GRAP2: variants seen among roughly 807,000 people sequenced by gnomAD.
The protein encoded by GRAP2 is GRB2 related adaptor protein 2.
Under a neutral mutation model 43.5 loss-of-function variants are expected in GRAP2, and 31 were observed. The observed-to-expected ratio is 0.71, with a 90% CI of 0.54 to 0.96. The LOEUF is 0.96. Ranked by LOEUF, GRAP2 falls within the 40% of genes least tolerant of loss-of-function variation. GRAP2 has a pLI of 0.00. For missense variants in GRAP2, 371 were observed against 424.4 expected, an observed-to-expected ratio of 0.87 and a Z score of 1.11; for synonymous variants, 156 against 164.8, an observed-to-expected ratio of 0.95 and a Z score of 0.41.
intron 2 of GRAP2, among the ~76,000 whole-genome samples, chr22:39,950,480 A>G (rs564370325): frequency 5.9e-5 from 9 of 152,332 alleles, no homozygotes; most frequent in East Asian, 5.8e-4. Flanking sequence ...CTCAATGTCT[A>G]GAAGAGCTGT....
rs2067246834 is a variant in GRAP2 at position 39,971,770 on chromosome 22, G to A, written c.*686G>A. ...GTCTTTCAAATGAATGTTTCAATGT[G>A]AGGAGCGAAGTACTGGGAAATCGAG... On this transcript the variant is annotated 3_prime_UTR_variant, in exon 8 of 8. Coordinates refer to ENST00000344138, the MANE Select transcript of GRAP2 (RefSeq NM_004810.4). 6.6e-6 allele frequency: 1 copy of A among 152,230 alleles called. No individual in the cohort carries two copies. The highest frequency in any genetic ancestry group is 2.4e-5 in the African/African-American group (1 of 41,464). The allele number at this position is 152,230 out of a possible 1,614,324, so 9.4% of individuals were successfully genotyped here.
At chr22:39,940,383 GT>G (rs137987) in intron 1 of GRAP2, among the ~76,000 whole-genome samples, 77,140 of 131,314 alleles carry the variant, frequency 0.59, 21,485 homozygotes, top group African/African-American at 0.67. Flanking sequence ...TTTTTTGTTT[GT>G]TTTTTTTTTT....
In GRAP2 at chr22:39,909,591, G is replaced by C. The variant is rs1485649389; in HGVS notation, c.-15+8261G>C. ...AAATTCACTCAGTCCCTAGCTCACA[G>C]GTATGCAGACGTACTGAGAACACTT... On this transcript the variant is annotated intron_variant, in intron 1 of 7. Transcript: ENST00000344138. Among the ~76,000 whole-genome samples the C allele has an allele frequency of 2.6e-5, 4 of 152,076 alleles. No individual in the cohort carries two copies. The East Asian group carries it at 7.7e-4, about 29-fold the overall frequency.
At chr22:39,956,045 C>T in intron 3 of GRAP2, 135 bp downstream of exon 3, 2 of 602,934 alleles carry the variant, frequency 3.3e-6, no homozygotes, top group South Asian at 2.0e-5. Context: ...TCCGGAGAGC[C>T]TCCAGAGCAT....
At chr22:39,944,784 G>A (rs1014759312) in intron 1 of GRAP2, among the ~76,000 whole-genome samples, 1 of 152,150 alleles carries the variant, frequency 6.6e-6, no homozygotes, top group Non-Finnish European at 1.5e-5. Context: ...CCCAAATCAA[G>A]GTCTTATCTA....
intron 1 of GRAP2, among the ~76,000 whole-genome samples, chr22:39,920,479 C>T (rs2066640158): frequency 6.6e-6 from 1 of 152,214 alleles, no homozygotes; most frequent in East Asian, 1.9e-4. Context: ...TCTCCGGAAC[C>T]AGCCTCCAGG....
rs1412636409 is a variant in GRAP2 at position 39,968,093 on chromosome 22, A to G, written c.511A>G (p.Ser171Gly). 55 of 1,612,058 alleles carry G rather than the reference A, an allele frequency of 3.4e-5. No individual in the cohort carries two copies. Among genetic ancestry groups the G allele is most frequent in the Non-Finnish European group, 4.7e-5 (55 of 1,178,970 alleles). The change falls in exon 6 of 8, where the codon AGT (serine) becomes GGT (glycine). Residue 171 changes from serine to glycine, a missense_variant. Physicochemically the swap from Ser to Gly is moderately conservative, Grantham distance 56. Transcript: ENST00000344138. ...GAGGTCCCAGGGAGGCCCACACCTCAGTGGGGCTGTGGGAGAAGAAATCCG... is the reference window on the plus strand; with the variant it reads ...GAGGTCCCAGGGAGGCCCACACCTCGGTGGGGCTGTGGGAGAAGAAATCCG... ...DRRSQGGPHL[S>G]GAVGEEIRPS...
At chr22:39,897,055 T>C (rs2066468693), upstream of GRAP2, among the ~76,000 whole-genome samples, 1 of 152,220 alleles carries the variant, frequency 6.6e-6, no homozygotes, top group Non-Finnish European at 1.5e-5. Flanking sequence ...GGTAGTGTTA[T>C]CCACTTGCAA....
chr22:39,969,722 T>A (rs1404286637), intron 7 of GRAP2, among the ~76,000 whole-genome samples, 189 bp downstream of exon 7: 3 of 152,166 alleles, frequency 2.0e-5, no homozygotes, highest in African/African-American at 7.2e-5. Context: ...GAGACCAGCC[T>A]GGCCAACATG....
Position 39,971,877 on chromosome 22 carries a change from G to C in GRAP2, c.*793G>C, listed in dbSNP as rs9611236. 1 of 152,202 alleles carries C rather than the reference G, an allele frequency of 6.6e-6. No homozygotes were observed. Among genetic ancestry groups the C allele is most frequent in the Non-Finnish European group, 1.5e-5 (1 of 68,026 alleles). The allele number at this position is 152,202 out of a possible 1,614,324, so 9.4% of individuals were successfully genotyped here. ...TGAAGGAAATAGCATCCTACATTCC[G>C]TAAAGTGCTTGAAGAAGCTCTAGCT... On this transcript the variant is annotated 3_prime_UTR_variant, in exon 8 of 8. Transcript: ENST00000344138.
In GRAP2 at chr22:39,968,164, C is replaced by T; in HGVS notation, c.582C>T (p.Pro194=). Residue 194 remains proline (P), a synonymous_variant, in exon 6 of 8, where the codon CCC becomes CCT. Coordinates refer to ENST00000344138, the MANE Select transcript of GRAP2 (RefSeq NM_004810.4). ...TGTCGGATCACCCCCCGACCCTTCCCCTGCAGCAGCACCAGCACCAGCCAC... is the reference window on the plus strand; with the variant it reads ...TGTCGGATCACCCCCCGACCCTTCCTCTGCAGCAGCACCAGCACCAGCCAC... ...RKLSDHPPTL[P]LQQHQHQPQP... 1.2e-6 allele frequency: 2 copies of T among 1,609,268 alleles called. No homozygotes were observed. The highest frequency in any genetic ancestry group is 1.7e-6 in the Non-Finnish European group (2 of 1,177,858).
intron 3 of GRAP2, among the ~76,000 whole-genome samples, chr22:39,957,536 T>A (rs768975030): frequency 6.6e-6 from 1 of 152,192 alleles, no homozygotes; most frequent in Non-Finnish European, 1.5e-5. Flanking sequence ...TCTCTCTCTC[T>A]TCCACGTCAA....
intron 1 of GRAP2, among the ~76,000 whole-genome samples, chr22:39,940,870 A>G (rs889451335): frequency 6.6e-6 from 1 of 152,238 alleles, no homozygotes; most frequent in African/African-American, 2.4e-5. Context: ...ATGAGAGACA[A>G]TGAAGACAAT....
intron 4 of GRAP2, among the ~76,000 whole-genome samples, chr22:39,962,488 T>A (rs1221431522): frequency 2.6e-5 from 4 of 152,100 alleles, no homozygotes. Flanking sequence ...ATTATACATA[T>A]ATTTAACATG....
At chr22:39,904,917 C>T (rs892139760) in intron 1 of GRAP2, among the ~76,000 whole-genome samples, 9 of 152,304 alleles carry the variant, frequency 5.9e-5, no homozygotes, top group South Asian at 2.1e-4. Context: ...CTTTATTTCT[C>T]ATAAGCTCCA....
chr22:39,943,768 G>C (rs565249943), intron 1 of GRAP2, among the ~76,000 whole-genome samples: 2 of 148,820 alleles, frequency 1.3e-5, no homozygotes, highest in Admixed American at 1.3e-4. Context: ...TCGCTAGACT[G>C]GAGTGCAGTG....
intron 1 of GRAP2, among the ~76,000 whole-genome samples, chr22:39,923,451 T>C (rs2066671411): frequency 6.6e-6 from 1 of 152,238 alleles, no homozygotes; most frequent in Non-Finnish European, 1.5e-5. Context: ...TATGAGATGC[T>C]AGCATTATTT....
intron 2 of GRAP2, among the ~76,000 whole-genome samples, chr22:39,954,258 G>A (rs1370826398): frequency 6.6e-6 from 1 of 152,188 alleles, no homozygotes; most frequent in African/African-American, 2.4e-5. Flanking sequence ...ACAAAGACTT[G>A]TAATTTCTCA....
At chr22:39,958,458 G>A (rs1260977166) in intron 3 of GRAP2, among the ~76,000 whole-genome samples, 1 of 152,108 alleles carries the variant, frequency 6.6e-6, no homozygotes, top group African/African-American at 2.4e-5. Flanking sequence ...GCTCCCTGAG[G>A]GCAGGGGTGT....
Sources: gnomAD v4.1 joint callset for allele counts (sites outside exome capture counted in the v4.1 genomes callset) on GRCh38, gnomAD v4.1.1 for gene constraint, MANE v1.5 for transcripts, NCBI Gene and HGNC (gene_info 2026-07-23, HGNC 2026-07-21) for gene names.